Variants in DENND1A observed in about 807,000 individuals in gnomAD.
DENND1A encodes the protein DENN domain containing 1A.
Under a neutral mutation model 113.7 loss-of-function variants are expected in DENND1A, and 51 were observed. The observed-to-expected ratio is 0.45, with a 90% CI of 0.36 to 0.57. DENND1A has a LOEUF of 0.57. Ranked by LOEUF, DENND1A falls within the 20% of genes least tolerant of loss-of-function variation. The pLI is 0.00. For synonymous variants in DENND1A, 565 were observed against 570.8 expected, an observed-to-expected ratio of 0.99 and a Z score of 0.14; for missense variants, 1,258 against 1,395.9, an observed-to-expected ratio of 0.90 and a Z score of 1.57.
chr9:123,470,531 C>T (rs1357288093), intron 13 of DENND1A, among the ~76,000 whole-genome samples: 1 of 152,186 alleles, frequency 6.6e-6, no homozygotes, highest in African/African-American at 2.4e-5. Context: ...GGACACGTGT[C>T]AGGGACCTGA....
chr9:123,530,345 C>A (rs1420895144), intron 13 of DENND1A, among the ~76,000 whole-genome samples: 3 of 152,072 alleles, frequency 2.0e-5, no homozygotes, highest in Non-Finnish European at 2.9e-5. Flanking sequence ...AGAATGATGA[C>A]TGGATTGATA....
chr9:123,671,355 T>G lies in DENND1A; in HGVS notation c.389A>C (p.Glu130Ala). The change falls in exon 7 of 24, where the codon GAG becomes GCG. Residue 130 changes from glutamate to alanine, a missense_variant. By Grantham distance (107) the Glu-to-Ala change is moderately radical (BLOSUM62 -1). Around this residue, in one of 2 missense-constraint regions of DENND1A, gnomAD observed 99 missense variants for 164.2 expected, o/e 0.60. Transcript: ENST00000394215. Reference sequence around the variant, plus strand: ...AAGTTTGTGCAGAGTTTCAAGAAGCTCATTCCACTGATTTTCCTGAAAGAA... The same window carrying G: ...AAGTTTGTGCAGAGTTTCAAGAAGCGCATTCCACTGATTTTCCTGAAAGAA... Reference protein sequence around the residue: ...TTKRQENQWNELLETLHKLPI... With the variant: ...TTKRQENQWNALLETLHKLPI... The G allele has an allele frequency of 8.1e-6, 13 of 1,613,918 alleles. No homozygotes were observed. The highest frequency in any genetic ancestry group is 1.1e-5 in the Non-Finnish European group (13 of 1,179,962).
intron 2 of DENND1A, among the ~76,000 whole-genome samples, chr9:123,877,545 C>A (rs891486844): frequency 8.6e-5 from 13 of 151,308 alleles, no homozygotes; most frequent in Non-Finnish European, 1.5e-5. Flanking sequence ...AAAAACAGGC[C>A]GGGCATGGTG....
At chr9:123,421,194 T>C (rs1266410168) in intron 19 of DENND1A, among the ~76,000 whole-genome samples, 2 of 151,080 alleles carry the variant, frequency 1.3e-5, no homozygotes, top group Non-Finnish European at 3.0e-5. Context: ...TACTATTTTC[T>C]GACACTTGCT....
intron 2 of DENND1A, among the ~76,000 whole-genome samples, chr9:123,822,960 T>C (rs996466872): frequency 7.9e-5 from 12 of 152,220 alleles, no homozygotes; most frequent in African/African-American, 2.9e-4. Flanking sequence ...GTGTGCTATC[T>C]AATATACAGT....
intron 13 of DENND1A, among the ~76,000 whole-genome samples, chr9:123,550,672 G>C (rs1043687764): frequency 6.6e-6 from 1 of 152,166 alleles, no homozygotes; most frequent in African/African-American, 2.4e-5. Flanking sequence ...AATGTGTTTC[G>C]AGGGGGGTGT....
chr9:123,451,111 C>A (rs915719046), intron 17 of DENND1A, among the ~76,000 whole-genome samples: 14 of 152,278 alleles, frequency 9.2e-5, no homozygotes, highest in African/African-American at 3.4e-4. Flanking sequence ...AATATCCATT[C>A]TATTTCACCA....
intron 2 of DENND1A, among the ~76,000 whole-genome samples, chr9:123,802,538 C>A (rs1183053690): frequency 0.017 from 1 of 58 alleles, no homozygotes; most frequent in East Asian, 0.5. Context: ...CGGTCACACC[C>A]TAAACTCTAC....
chr9:123,890,121 A>G (rs1200131899), intron 1 of DENND1A, among the ~76,000 whole-genome samples: 1 of 152,216 alleles, frequency 6.6e-6, no homozygotes, highest in Non-Finnish European at 1.5e-5. Flanking sequence ...GTGTCAGGTA[A>G]TAAGATGGTG....
At chr9:123,866,563 C>A (rs1373649546) in intron 2 of DENND1A, among the ~76,000 whole-genome samples, 11 of 152,152 alleles carry the variant, frequency 7.2e-5, no homozygotes, top group African/African-American at 2.7e-4. Context: ...AATTCTATCA[C>A]AAAAATTTCA....
chr9:123,814,143 T>G (rs1437020127), intron 2 of DENND1A, among the ~76,000 whole-genome samples: 1 of 152,174 alleles, frequency 6.6e-6, no homozygotes, highest in Non-Finnish European at 1.5e-5. Flanking sequence ...AGAACACCAT[T>G]TTAAGTTAAT....
At chr9:123,830,873 G>GAAAAAAAAAAAAAAAAAAAAAAAAAAAAA (rs71390447) in intron 2 of DENND1A, among the ~76,000 whole-genome samples, 3 of 39,310 alleles carry the variant, frequency 7.6e-5, no homozygotes, top group East Asian at 9.1e-4. Context: ...TCTCAAAAAT[G>GAAAAAAAAAAAAAAAAAAAAAAAAAAAAA]AAAAAAAAAA....
intron 5 of DENND1A, among the ~76,000 whole-genome samples, chr9:123,750,247 G>T (rs2069892598): frequency 6.6e-6 from 1 of 152,180 alleles, no homozygotes; most frequent in Admixed American, 6.5e-5. Context: ...AAACTGTACA[G>T]CTTGTTACTA....
rs572398123 is a variant in DENND1A at position 123,677,683 on chromosome 9, C to T, written c.303-894G>A. ...TCCTGAACTCAGGTTATCTGCCTGC[C>T]TCGGCCTCCCAAACTGCTGGGATTA... On this transcript the variant is annotated intron_variant, in intron 5 of 23. Transcript: ENST00000394215. 1.7e-3 allele frequency among the ~76,000 whole-genome samples: 266 copies of T among 152,340 alleles called. 1 individual carries two copies. Among genetic ancestry groups the T allele is most frequent in the African/African-American group, 5.9e-3 (247 of 41,570 alleles).
chr9:123,420,518 G>A (rs539959706), intron 19 of DENND1A, among the ~76,000 whole-genome samples: 11 of 152,300 alleles, frequency 7.2e-5, no homozygotes, highest in Admixed American at 2.0e-4. Flanking sequence ...GAGAGAGCGC[G>A]CTCAGGATTC....
rs137970832 is a variant in DENND1A at position 123,382,335 on chromosome 9, C to A, written c.2310G>T (p.Glu770Asp). The A allele has an allele frequency of 6.9e-4, 1,106 of 1,606,872 alleles. 8 individuals carry two copies. The African/African-American group carries it at 0.013, about 19-fold the overall frequency. ...IPRPQGRKTP[E>D]LGIVPPPPIP... ...TGGGCGGTGGAGGCACGATGCCCAGCTCTGGGGTCTTCCTGCCTTGGGGCC... is the reference window on the plus strand; with the variant it reads ...TGGGCGGTGGAGGCACGATGCCCAGATCTGGGGTCTTCCTGCCTTGGGGCC... Residue 770 changes from glutamate (E) to aspartate (D), a missense_variant, in exon 24 of 24, where the codon GAG becomes GAT. Coordinates refer to ENST00000394215, the MANE Select transcript of DENND1A (RefSeq NM_001352964.2).
intron 19 of DENND1A, among the ~76,000 whole-genome samples, chr9:123,419,690 G>A (rs1186896658): frequency 2.6e-5 from 4 of 152,244 alleles, no homozygotes; most frequent in African/African-American, 7.2e-5. Context: ...TGCAAGGCAT[G>A]GAAATAAAAG....
intron 2 of DENND1A, among the ~76,000 whole-genome samples, chr9:123,828,841 A>G (rs1839774270): frequency 6.6e-6 from 1 of 152,202 alleles, no homozygotes; most frequent in African/African-American, 2.4e-5. Context: ...AGGTTGCAGA[A>G]CTGTCATACA....
At chr9:123,748,805 C>T (rs1262159166) in intron 5 of DENND1A, among the ~76,000 whole-genome samples, 7 of 152,236 alleles carry the variant, frequency 4.6e-5, no homozygotes, top group Middle Eastern at 3.4e-3. Context: ...CAAAAAGCAC[C>T]GAGGAGCCTC....
Sources: allele counts gnomAD v4.1 joint callset (sites outside exome capture counted in the v4.1 genomes callset), GRCh38; gene constraint gnomAD v4.1.1; regional missense constraint gnomAD v4.1.1; transcripts MANE v1.5; gene names NCBI Gene and HGNC (gene_info 2026-07-23, HGNC 2026-07-21).